The following BAAT variants were observed in gnomAD, a reference collection of about 807,000 sequenced individuals.
BAAT encodes bile acid-CoA:amino acid N-acyltransferase, also known as bile acid CoA: amino acid N-acyltransferase (glycine N-choloyltransferase).
A neutral mutation model predicts 18.9 loss-of-function variants in BAAT; 13 were observed. That is an observed-to-expected ratio of 0.69 (90% CI 0.45 to 1.10). The LOEUF is 1.10. BAAT is among the 50% of genes least tolerant of loss of function. BAAT has a pLI of 0.00. For missense variants in BAAT, 489 were observed against 504.0 expected, an observed-to-expected ratio of 0.97 and a Z score of 0.28; for synonymous variants, 170 against 190.7, an observed-to-expected ratio of 0.89 and a Z score of 0.89.
At chr9:101,365,127 G>C (rs965873502) in intron 3 of BAAT, among the ~76,000 whole-genome samples, 1 of 152,196 alleles carries the variant, frequency 6.6e-6, no homozygotes, top group Non-Finnish European at 1.5e-5. Flanking sequence ...AGGAGTTAAA[G>C]AAAATTGTTG....
In BAAT at chr9:101,371,283, C is replaced by T; in HGVS notation, c.122G>A (p.Gly41Glu). ...GTGGGCTTGAGAATAAAACATGTCT[C>T]CGTTTTCATCTTCCAGTGATGCCTG... ...SFQASLEDEN[G>E]DMFYSQAHYR... The change falls in exon 2 of 4, where the codon GGA (glycine) becomes GAA (glutamate). Residue 41 changes from glycine (G) to glutamate (E), a missense_variant. By Grantham distance (98) the Gly-to-Glu change is moderately conservative. Transcript: ENST00000259407. The T allele has an allele frequency of 3.1e-6, 5 of 1,613,260 alleles. No individual in the cohort carries two copies. The highest frequency in any genetic ancestry group is 4.2e-6 in the Non-Finnish European group (5 of 1,179,338).
chr9:101,376,246 T>C, intron 1 of BAAT: 1 of 187,850 alleles, frequency 5.3e-6, no homozygotes, highest in Admixed American at 6.2e-5. Context: ...TCGTTCTATA[T>C]TCCTGTCACC....
chr9:101,361,003 C>A lies in BAAT; in HGVS notation c.*1425G>T. 1 of 174,316 alleles carries A rather than the reference C, an allele frequency of 5.7e-6. No individual in the cohort carries two copies. The allele number at this position is 174,316 out of a possible 1,614,324, so 10.8% of individuals were successfully genotyped here. ...TGGTATGTAAGATCATGTTAGCAGCCAGTGTTGGAGTAAGACATGGATCTT... is the reference window on the plus strand; with the variant it reads ...TGGTATGTAAGATCATGTTAGCAGCAAGTGTTGGAGTAAGACATGGATCTT... On this transcript the variant is annotated 3_prime_UTR_variant, in exon 4 of 4. Transcript: ENST00000259407.
chr9:101,368,070 G>A, intron 3 of BAAT, 50 bp downstream of exon 3: 1 of 1,566,654 alleles, frequency 6.4e-7, no homozygotes. Flanking sequence ...AACAAAAACA[G>A]AAACAAAAAA....
At chr9:101,384,278 G>T (rs1830171829) in intron 1 of BAAT, among the ~76,000 whole-genome samples, 1 of 152,056 alleles carries the variant, frequency 6.6e-6, no homozygotes, top group Non-Finnish European at 1.5e-5. Flanking sequence ...TCCTAAAAAA[G>T]TAATGTCTAA....
At chr9:101,369,348 A>T (rs1829886119) in intron 2 of BAAT, among the ~76,000 whole-genome samples, 6 of 152,244 alleles carry the variant, frequency 3.9e-5, no homozygotes, top group Admixed American at 3.9e-4. Flanking sequence ...GCATAAATGA[A>T]TAAGGATGTT....
chr9:101,369,014 C>T (rs1023240192), intron 2 of BAAT, among the ~76,000 whole-genome samples: 12 of 152,120 alleles, frequency 7.9e-5, no homozygotes, highest in African/African-American at 2.2e-4. Context: ...TATTCAATAA[C>T]GCCATGTTCA....
chr9:101,377,524 T>A (rs1830066956), intron 1 of BAAT, among the ~76,000 whole-genome samples: 1 of 152,132 alleles, frequency 6.6e-6, no homozygotes, highest in Non-Finnish European at 1.5e-5. Flanking sequence ...TAAGGATTGA[T>A]AGGATTATAA....
In BAAT at chr9:101,362,236, C is replaced by T; in HGVS notation, c.*192G>A. On this transcript the variant is annotated 3_prime_UTR_variant, in exon 4 of 4. Transcript: ENST00000259407. ...AATGATTTGTTTTATGATTTATTCA[C>T]CATGTCCAGTTTGGTTAGCTTGTTA... 2 of 635,288 alleles carry T rather than the reference C, an allele frequency of 3.1e-6. No homozygotes were observed. Among genetic ancestry groups the T allele is most frequent in the East Asian group, 2.7e-5 (1 of 36,782 alleles). 39.4% of individuals were successfully genotyped at this position (635,288 alleles called of 1,614,324 possible). A position where few individuals can be genotyped will look rare whatever the true frequency, so the allele number is the denominator to read the frequency against.
At chr9:101,379,708 C>T (rs1328161889) in intron 1 of BAAT, among the ~76,000 whole-genome samples, 1 of 152,106 alleles carries the variant, frequency 6.6e-6, no homozygotes, top group Admixed American at 6.6e-5. Flanking sequence ...GGACTAAATC[C>T]TAAATTATTT....
Position 101,362,219 on chromosome 9 carries a change from G to T in BAAT, c.*209C>A. The T allele has an allele frequency of 1.6e-6, 1 of 624,338 alleles. No individual in the cohort carries two copies. Among genetic ancestry groups the T allele is most frequent in the East Asian group, 2.7e-5 (1 of 36,576 alleles). The allele number at this position is 624,338 out of a possible 1,614,324, so 38.7% of individuals were successfully genotyped here. ...ATGTAAATAATAAGTAAAATGATTT[G>T]TTTTATGATTTATTCACCATGTCCA... On this transcript the variant is annotated 3_prime_UTR_variant, in exon 4 of 4. Transcript: ENST00000259407.
chr9:101,372,032 C>T (rs1002049438), intron 1 of BAAT, among the ~76,000 whole-genome samples: 19 of 152,026 alleles, frequency 1.2e-4, no homozygotes, highest in Non-Finnish European at 2.5e-4. Context: ...AAGGCCATTT[C>T]CCTAAGTGAA....
chr9:101,384,442 AT>A (rs1386842633), intron 1 of BAAT, among the ~76,000 whole-genome samples: 2 of 152,214 alleles, frequency 1.3e-5, no homozygotes, highest in Non-Finnish European at 2.9e-5. Context: ...GTTGGCAACA[AT>A]TAAAAATTCC....
In BAAT at chr9:101,361,555, T is replaced by C. The variant is rs1384178845; in HGVS notation, c.*873A>G. 6.5e-6 allele frequency: 1 copy of C among 152,680 alleles called. No homozygotes were observed. Among genetic ancestry groups the C allele is most frequent in the Non-Finnish European group, 1.5e-5 (1 of 68,050 alleles). The allele number at this position is 152,680 out of a possible 1,614,324, so 9.5% of individuals were successfully genotyped here. A position where few individuals can be genotyped will look rare whatever the true frequency, so the allele number is the denominator to read the frequency against. Reference sequence around the variant, plus strand: ...TACGGAAATATAGTACCTGTCCTTATAGAGCTCACATTCATGTGCTACTCT... The same window carrying C: ...TACGGAAATATAGTACCTGTCCTTACAGAGCTCACATTCATGTGCTACTCT... On this transcript the variant is annotated 3_prime_UTR_variant, in exon 4 of 4. Transcript: ENST00000259407.
At chr9:101,365,884 T>A (rs1276661535) in intron 3 of BAAT, among the ~76,000 whole-genome samples, 1 of 152,182 alleles carries the variant, frequency 6.6e-6, no homozygotes, top group Non-Finnish European at 1.5e-5. Context: ...TTATGGTGCA[T>A]AATGTGATAT....
At chr9:101,378,035 A>G (rs904478756) in intron 1 of BAAT, among the ~76,000 whole-genome samples, 1 of 152,174 alleles carries the variant, frequency 6.6e-6, no homozygotes, top group Admixed American at 6.5e-5. Flanking sequence ...ACATAGGAAT[A>G]CAGCTTACAA....
At chr9:101,373,075 G>C (rs1000642892) in intron 1 of BAAT, among the ~76,000 whole-genome samples, 8 of 152,040 alleles carry the variant, frequency 5.3e-5, no homozygotes, top group Admixed American at 1.3e-4. Flanking sequence ...GAGAGAATAG[G>C]GAATAGGAAA....
intron 3 of BAAT, among the ~76,000 whole-genome samples, chr9:101,366,976 G>A (rs1829839869): frequency 6.6e-6 from 1 of 151,818 alleles, no homozygotes; most frequent in African/African-American, 2.4e-5. Context: ...GCCAGGTATG[G>A]TGGCACGCGC....
At chr9:101,370,092 A>G (rs1344313372) in intron 2 of BAAT, among the ~76,000 whole-genome samples, 2 of 152,078 alleles carry the variant, frequency 1.3e-5, no homozygotes, top group African/African-American at 4.8e-5. Flanking sequence ...CAAGGTAATA[A>G]CCCATGCCTA....
Sources: gnomAD v4.1 joint callset for allele counts (sites outside exome capture counted in the v4.1 genomes callset) on GRCh38, gnomAD v4.1.1 for gene constraint, MANE v1.5 for transcripts, NCBI Gene and HGNC (gene_info 2026-07-23, HGNC 2026-07-21) for gene names.